PPFIA2: variants seen among roughly 807,000 people sequenced by gnomAD.
PPFIA2 encodes the protein PPFI scaffold protein A2, also known as liprin-alpha-2.
A neutral mutation model predicts 175.5 loss-of-function variants in PPFIA2; 46 were observed. The observed-to-expected ratio is 0.26, with a 90% CI of 0.21 to 0.34. PPFIA2 has a LOEUF of 0.34. Ranked by LOEUF, PPFIA2 falls within the 10% of genes least tolerant of loss-of-function variation. The pLI is 1.00. For synonymous variants in PPFIA2, 568 were observed against 511.4 expected, an observed-to-expected ratio of 1.11 and a Z score of -1.49; for missense variants, 1,179 against 1,506.1, an observed-to-expected ratio of 0.78 and a Z score of 3.60.
At chr12:81,508,798 T>A (rs2061475455) in intron 4 of PPFIA2, among the ~76,000 whole-genome samples, 1 of 119,660 alleles carries the variant, frequency 8.4e-6, no homozygotes, top group Non-Finnish European at 1.6e-5. Context: ...CAGAGTGTGA[T>A]GTTCCCCTTC....
At chr12:81,737,686 A>G (rs2081793947) in intron 3 of PPFIA2, among the ~76,000 whole-genome samples, 1 of 148,504 alleles carries the variant, frequency 6.7e-6, no homozygotes, top group Admixed American at 6.7e-5. Context: ...TAAAAACAAA[A>G]CAAATGGAAA....
chr12:81,697,992 G>A (rs1166488094), intron 3 of PPFIA2, among the ~76,000 whole-genome samples: 1 of 152,100 alleles, frequency 6.6e-6, no homozygotes, highest in East Asian at 1.9e-4. Context: ...AGACACATTT[G>A]TTGAGCAATA....
intron 4 of PPFIA2, among the ~76,000 whole-genome samples, chr12:81,561,636 G>T (rs541265478): frequency 1.3e-5 from 2 of 152,254 alleles, no homozygotes; most frequent in East Asian, 3.9e-4. Context: ...ATTCTCTGGA[G>T]TGCTGTCTGG....
intron 4 of PPFIA2, among the ~76,000 whole-genome samples, chr12:81,580,774 C>A (rs1347039718): frequency 1.3e-5 from 2 of 151,628 alleles, no homozygotes; most frequent in Non-Finnish European, 2.9e-5. Context: ...AAGCTTGGTA[C>A]AACATGTGCT....
chr12:81,736,913 A>G (rs183623492), intron 3 of PPFIA2, among the ~76,000 whole-genome samples: 1 of 151,908 alleles, frequency 6.6e-6, no homozygotes, highest in African/African-American at 2.4e-5. Context: ...TGGCTCATTT[A>G]AAAAATAATT....
intron 27 of PPFIA2, chr12:81,279,415 C>T (rs1289622342): frequency 6.6e-6 from 1 of 152,020 alleles, no homozygotes; most frequent in Non-Finnish European, 1.5e-5. Flanking sequence ...TAATCACTAT[C>T]ACAGATATTG....
intron 8 of PPFIA2, among the ~76,000 whole-genome samples, chr12:81,401,924 C>T (rs76414664): frequency 0.015 from 2,211 of 152,134 alleles, 45 homozygotes; most frequent in African/African-American, 0.042. Context: ...TATTTAAATT[C>T]GTTTCAGTTA....
intron 8 of PPFIA2, among the ~76,000 whole-genome samples, chr12:81,401,207 AGCACCT>A (rs1443507425): frequency 6.6e-6 from 1 of 152,064 alleles, no homozygotes; most frequent in Non-Finnish European, 1.5e-5. Context: ...CCCATTTCTT[AGCACCT>A]TTAATAAGGT....
At chr12:81,434,807 T>C (rs1157831432) in intron 7 of PPFIA2, among the ~76,000 whole-genome samples, 3 of 152,084 alleles carry the variant, frequency 2.0e-5, no homozygotes. Flanking sequence ...CTAAAACAAC[T>C]TTATTATTTT....
At chr12:81,566,438 C>G (rs1170996503) in intron 4 of PPFIA2, among the ~76,000 whole-genome samples, 1 of 145,280 alleles carries the variant, frequency 6.9e-6, no homozygotes, top group Non-Finnish European at 1.5e-5. Flanking sequence ...GCAGAAGAAT[C>G]ACTTGAAGCC....
chr12:81,378,997 T>A (rs187112953), intron 9 of PPFIA2, among the ~76,000 whole-genome samples: 293 of 152,262 alleles, frequency 1.9e-3, no homozygotes, highest in African/African-American at 6.6e-3. Context: ...AGCTGTTATT[T>A]ATTATTAATT....
chr12:81,616,748 A>G (rs906984614), intron 4 of PPFIA2, among the ~76,000 whole-genome samples: 1 of 152,204 alleles, frequency 6.6e-6, no homozygotes, highest in African/African-American at 2.4e-5. Context: ...ATTTCATAAT[A>G]AATTCAGAAA....
intron 4 of PPFIA2, among the ~76,000 whole-genome samples, chr12:81,662,526 CA>C (rs1353547456): frequency 5.3e-5 from 8 of 151,984 alleles, no homozygotes; most frequent in Admixed American, 3.9e-4. Flanking sequence ...CTGAATAGAC[CA>C]ATAACAGGCT....
intron 7 of PPFIA2, among the ~76,000 whole-genome samples, chr12:81,426,921 T>A (rs1407572751): frequency 6.6e-6 from 1 of 152,152 alleles, no homozygotes; most frequent in Non-Finnish European, 1.5e-5. Context: ...GATATAATAA[T>A]CAAATGTATC....
At chr12:81,293,652 A>T (rs1337799463) in intron 24 of PPFIA2, among the ~76,000 whole-genome samples, 1 of 152,098 alleles carries the variant, frequency 6.6e-6, no homozygotes, top group Non-Finnish European at 1.5e-5. Context: ...AGATGTCGGC[A>T]AGGGCACAGA....
chr12:81,595,888 ATATGTT>A (rs1306781062), intron 4 of PPFIA2, among the ~76,000 whole-genome samples: 1 of 152,150 alleles, frequency 6.6e-6, no homozygotes, highest in Non-Finnish European at 1.5e-5. Flanking sequence ...ATATATTTGC[ATATGTT>A]AACTCCTGTG....
intron 4 of PPFIA2, among the ~76,000 whole-genome samples, chr12:81,671,559 C>T (rs2071420680): frequency 6.6e-6 from 1 of 151,804 alleles, no homozygotes; most frequent in Non-Finnish European, 1.5e-5. Context: ...CAACTGGTAA[C>T]AAGAAAATGT....
intron 3 of PPFIA2, among the ~76,000 whole-genome samples, chr12:81,696,793 T>C (rs1196974409): frequency 2.0e-5 from 3 of 152,090 alleles, no homozygotes; most frequent in African/African-American, 4.8e-5. Context: ...TCCTTGGTGA[T>C]AGGCAGAAAA....
chr12:81,504,165 A>G (rs1330258673), intron 4 of PPFIA2, among the ~76,000 whole-genome samples: 1 of 152,082 alleles, frequency 6.6e-6, no homozygotes, highest in South Asian at 2.1e-4. Flanking sequence ...CTTCCTCATA[A>G]ATTCTTGAAG....
Sources: allele counts gnomAD v4.1 joint callset (sites outside exome capture counted in the v4.1 genomes callset), GRCh38; gene constraint gnomAD v4.1.1; transcripts MANE v1.5; gene names NCBI Gene and HGNC (gene_info 2026-07-23, HGNC 2026-07-21).